PCSK5: variants seen among roughly 807,000 people sequenced by gnomAD.
PCSK5 encodes the protein prohormone convertase 5.
In PCSK5, 129 loss-of-function variants were observed where a neutral mutation model predicts 233.2. That is an observed-to-expected ratio of 0.55 (90% CI 0.48 to 0.64). The LOEUF (loss-of-function observed/expected upper bound fraction) is 0.64, where lower values mean the gene tolerates loss of function less well. PCSK5 is among the 30% of genes least tolerant of loss of function. The probability of loss-of-function intolerance (pLI) is 0.00; values close to 1 mark genes in which losing one functional copy is unlikely to be tolerated. For missense variants in PCSK5, 2,076 were observed against 2,430.1 expected (o/e 0.85, Z 3.06); for synonymous variants, 825 against 879.2 (o/e 0.94, Z 1.09).
At chr9:76,032,832 G>A (rs1337696737) in intron 5 of PCSK5, among the ~76,000 whole-genome samples, 1 of 152,134 alleles carries the variant, frequency 6.6e-6, no homozygotes, top group African/African-American at 2.4e-5. Flanking sequence ...CCTTTTAGAA[G>A]TTCTCTGCTT....
At position 76,332,636 on chromosome 9, in the gene PCSK5, A is replaced by G. The variant is rs750623961; in HGVS notation, c.4748+26A>G. Reference sequence around the variant, plus strand: ...GTAAGTGCTCAATACATTTTCCCCCATGTAATTTCACAGCCACAGCAGATA... The same window carrying G: ...GTAAGTGCTCAATACATTTTCCCCCGTGTAATTTCACAGCCACAGCAGATA... On this transcript the variant is annotated intron_variant, in intron 34 of 37. Transcript: ENST00000674117. The G allele has an allele frequency of 7.7e-5, 115 of 1,495,812 alleles. 1 individual carries two copies. In the East Asian group the frequency reaches 2.7e-3, roughly 35 times the overall value. The allele number at this position is 1,495,812 out of a possible 1,614,324, so 92.7% of individuals were successfully genotyped here. A position where few individuals can be genotyped will look rare whatever the true frequency, so the allele number is the denominator to read the frequency against.
At chr9:76,080,198 C>T (rs1473762740) in intron 7 of PCSK5, among the ~76,000 whole-genome samples, 1 of 152,138 alleles carries the variant, frequency 6.6e-6, no homozygotes, top group Non-Finnish European at 1.5e-5. Flanking sequence ...CCCAGCAATC[C>T]ACTGAAGCTG....
chr9:76,214,309 T>TGC (rs1825442626), intron 20 of PCSK5, among the ~76,000 whole-genome samples: 2 of 147,078 alleles, frequency 1.4e-5, no homozygotes, highest in African/African-American at 2.5e-5. Context: ...CACACACACG[T>TGC]GCACACACAC....
At chr9:76,316,033 G>T (rs557195033) in intron 30 of PCSK5, among the ~76,000 whole-genome samples, 2 of 141,990 alleles carry the variant, frequency 1.4e-5, no homozygotes, top group South Asian at 4.6e-4. Context: ...ATCTGAAAAA[G>T]ATTTATTCGT....
chr9:75,891,452 C>G (rs1825591185), intron 1 of PCSK5, 79 bp downstream of exon 1: 8 of 1,158,984 alleles, frequency 6.9e-6, no homozygotes, highest in Non-Finnish European at 8.6e-6. Flanking sequence ...GGAACCCCCT[C>G]CCCCTCTTCC....
chr9:75,978,878 T>TG, intron 2 of PCSK5, among the ~76,000 whole-genome samples: 1 of 148,500 alleles, frequency 6.7e-6, no homozygotes, highest in South Asian at 2.1e-4. Flanking sequence ...CCTTTTTTTT[T>TG]TCTTTTTTTC....
intron 30 of PCSK5, among the ~76,000 whole-genome samples, chr9:76,318,322 A>T (rs1433275422): frequency 2.0e-5 from 3 of 152,224 alleles, no homozygotes; most frequent in Non-Finnish European, 2.9e-5. Context: ...GTCGGAGGGT[A>T]GGGGGCAAGG....
intron 2 of PCSK5, among the ~76,000 whole-genome samples, chr9:75,950,254 T>C (rs904673463): frequency 2.8e-4 from 43 of 151,808 alleles, no homozygotes; most frequent in African/African-American, 9.9e-4. Flanking sequence ...TTACTTTTTA[T>C]ATAAATCTTG....
intron 15 of PCSK5, among the ~76,000 whole-genome samples, chr9:76,180,624 CCCT>C (rs1251162877): frequency 6.6e-6 from 1 of 152,104 alleles, no homozygotes; most frequent in Non-Finnish European, 1.5e-5. Context: ...CCCACCTTCT[CCCT>C]CCTCCTTCAG....
chr9:75,996,259 T>C (rs1827018131), intron 3 of PCSK5, among the ~76,000 whole-genome samples: 1 of 152,216 alleles, frequency 6.6e-6, no homozygotes, highest in Admixed American at 6.5e-5. Context: ...TATTTATTCA[T>C]TCATTTATAT....
chr9:76,005,132 A>G (rs1447335847), intron 3 of PCSK5, among the ~76,000 whole-genome samples: 1 of 152,202 alleles, frequency 6.6e-6, no homozygotes, highest in African/African-American at 2.4e-5. Flanking sequence ...CAGTACATGC[A>G]AAATACTGTT....
At chr9:75,948,972 A>G (rs938994027) in intron 2 of PCSK5, among the ~76,000 whole-genome samples, 1 of 151,850 alleles carries the variant, frequency 6.6e-6, no homozygotes, top group Middle Eastern at 3.2e-3. Context: ...TATCTTATCA[A>G]ATCTAAAATC....
At chr9:76,222,439 C>T (rs1288600565) in intron 20 of PCSK5, among the ~76,000 whole-genome samples, 1 of 152,148 alleles carries the variant, frequency 6.6e-6, no homozygotes, top group Admixed American at 6.5e-5. Context: ...ACCATTACCA[C>T]CATCCATCTC....
Position 76,328,868 on chromosome 9 carries a change from G to A in PCSK5, c.4570+629G>A, listed in dbSNP as rs147627497. Among the ~76,000 whole-genome samples the A allele has an allele frequency of 5.8e-4, 88 of 151,874 alleles. 1 individual carries two copies. Among genetic ancestry groups the A allele is most frequent in the African/African-American group, 1.9e-3 (80 of 41,394 alleles). The stretch of plus-strand genomic sequence containing the variant: ...CAGTTGCTCAGAGTGGAGTGCAGTG[G>A]TATGATCTCGGCTCACTGCAACCTC... On this transcript the variant is annotated intron_variant, in intron 33 of 37. Transcript: ENST00000674117.
chr9:76,057,163 C>A (rs992351793), intron 5 of PCSK5, among the ~76,000 whole-genome samples: 7 of 152,150 alleles, frequency 4.6e-5, no homozygotes, highest in African/African-American at 1.7e-4. Flanking sequence ...AAAAACACAT[C>A]TGAAACATAG....
chr9:76,355,199 G>A lies in PCSK5; in HGVS notation c.5254+980G>A, dbSNP rs529906151. Among the ~76,000 whole-genome samples, 9 of 152,268 alleles carry A rather than the reference G, an allele frequency of 5.9e-5. No homozygotes were observed. The East Asian group carries it at 1.4e-3, about 23-fold the overall frequency. On this transcript the variant is annotated intron_variant, in intron 37 of 37. Transcript: ENST00000674117. ...TCTAAAAAAAGAAACATGGCCGGGC[G>A]CGGTGGCTCACGCCTGTAATCTCAG...
At chr9:75,969,137 T>C (rs1825715396) in intron 2 of PCSK5, among the ~76,000 whole-genome samples, 1 of 152,172 alleles carries the variant, frequency 6.6e-6, no homozygotes, top group African/African-American at 2.4e-5. Flanking sequence ...GTTAGAAAAT[T>C]GGTTACAAAC....
chr9:76,029,988 C>G (rs1195729197), intron 5 of PCSK5, among the ~76,000 whole-genome samples: 1 of 151,930 alleles, frequency 6.6e-6, no homozygotes, highest in African/African-American at 2.4e-5. Context: ...GTTAAGAATA[C>G]TCAAAAAAAG....
intron 35 of PCSK5, among the ~76,000 whole-genome samples, chr9:76,346,061 C>T (rs1206225391): frequency 6.6e-6 from 1 of 152,164 alleles, no homozygotes; most frequent in East Asian, 1.9e-4. Context: ...TGAGTTATCA[C>T]CTATATGGTG....
Sources: allele counts gnomAD v4.1 joint callset (sites outside exome capture counted in the v4.1 genomes callset), GRCh38; gene constraint gnomAD v4.1.1; transcripts MANE v1.5; gene names NCBI Gene and HGNC (gene_info 2026-07-23, HGNC 2026-07-21).